The following DAB1 variants were observed in gnomAD, a reference collection of about 807,000 sequenced individuals.
DAB1 encodes the protein DAB adaptor protein 1, also known as disabled homolog 1.
Under a neutral mutation model 64.6 loss-of-function variants are expected in DAB1, and 15 were observed. That is an observed-to-expected ratio of 0.23 (90% CI 0.16 to 0.36). The LOEUF is 0.36. Ranked by LOEUF, DAB1 falls within the 10% of genes least tolerant of loss-of-function variation. DAB1 has a pLI of 1.00. For missense variants in DAB1, 596 were observed against 706.7 expected, an observed-to-expected ratio of 0.84 and a Z score of 1.78; for synonymous variants, 235 against 251.9, an observed-to-expected ratio of 0.93 and a Z score of 0.64.
intron 7 of DAB1, among the ~76,000 whole-genome samples, chr1:57,537,363 G>A (rs10889048): frequency 0.62 from 94,137 of 151,974 alleles, 32,607 homozygotes; most frequent in Non-Finnish European, 0.77. Flanking sequence ...CTATTTTTGC[G>A]ATGCTCTTCA....
intron 5 of DAB1, among the ~76,000 whole-genome samples, chr1:58,069,625 T>C (rs1398481139): frequency 6.6e-6 from 1 of 152,198 alleles, no homozygotes; most frequent in Non-Finnish European, 1.5e-5. Context: ...ACTGTCACTG[T>C]CTGTCCCTCA....
intron 1 of DAB1, among the ~76,000 whole-genome samples, chr1:57,298,649 A>C (rs17115557): frequency 6.6e-6 from 1 of 152,262 alleles, no homozygotes; most frequent in African/African-American, 2.4e-5. Flanking sequence ...TGAAAAAAAA[A>C]CAGAATTTTA....
chr1:57,350,382 C>T (rs1388339143), intron 1 of DAB1, among the ~76,000 whole-genome samples: 3 of 152,118 alleles, frequency 2.0e-5, no homozygotes, highest in Non-Finnish European at 2.9e-5. Context: ...ATATCATCTA[C>T]CAACAAGAAT....
intron 5 of DAB1, among the ~76,000 whole-genome samples, chr1:57,914,240 A>G (rs1487879510): frequency 1.3e-5 from 2 of 152,186 alleles, no homozygotes; most frequent in African/African-American, 4.8e-5. Flanking sequence ...TGTGGCACAT[A>G]TACACATGGA....
intron 7 of DAB1, among the ~76,000 whole-genome samples, chr1:57,470,619 A>AC (rs1687103698): frequency 6.6e-6 from 1 of 152,230 alleles, no homozygotes; most frequent in Non-Finnish European, 1.5e-5. Context: ...GTAGGAGGAT[A>AC]GAATTCCCTA....
chr1:57,630,094 C>T (rs1035127719), intron 7 of DAB1, among the ~76,000 whole-genome samples: 1 of 152,102 alleles, frequency 6.6e-6, no homozygotes. Context: ...TAGCAGCAAA[C>T]AAAGTCTGAG....
At chr1:57,521,170 C>G (rs1344182216) in intron 7 of DAB1, among the ~76,000 whole-genome samples, 1 of 152,146 alleles carries the variant, frequency 6.6e-6, no homozygotes, top group Non-Finnish European at 1.5e-5. Context: ...CTTCTCAGAT[C>G]TGTATCACCT....
intron 5 of DAB1, among the ~76,000 whole-genome samples, chr1:57,941,236 C>G (rs1266023902): frequency 6.6e-6 from 1 of 152,168 alleles, no homozygotes; most frequent in Non-Finnish European, 1.5e-5. Context: ...AATAATAATG[C>G]CAGACACTGG....
chr1:57,773,344 T>TACACACACAC (rs60059518), intron 6 of DAB1, among the ~76,000 whole-genome samples: 44 of 147,566 alleles, frequency 3.0e-4, no homozygotes, highest in Admixed American at 9.5e-4. Context: ...TTGAGTTGTA[T>TACACACACAC]ACACACACAC....
chr1:58,399,901 T>C (rs182243729), intron 3 of DAB1, among the ~76,000 whole-genome samples: 1 of 152,264 alleles, frequency 6.6e-6, no homozygotes, highest in African/African-American at 2.4e-5. Flanking sequence ...GACACTGATA[T>C]AGAATTAGGT....
chr1:57,882,778 A>C (rs1644164515), intron 1 of DAB1, among the ~76,000 whole-genome samples: 1 of 152,200 alleles, frequency 6.6e-6, no homozygotes, highest in Non-Finnish European at 1.5e-5. Context: ...GAGCACTATT[A>C]CCAACCTAGG....
At chr1:58,474,662 A>C (rs140647069) in intron 3 of DAB1, among the ~76,000 whole-genome samples, 24 of 152,304 alleles carry the variant, frequency 1.6e-4, no homozygotes, top group Non-Finnish European at 2.8e-4. Flanking sequence ...GAGATCATGG[A>C]AAGTTTCAGG....
intron 3 of DAB1, among the ~76,000 whole-genome samples, chr1:58,406,259 G>A (rs1340182472): frequency 3.9e-5 from 6 of 152,106 alleles, no homozygotes; most frequent in Non-Finnish European, 7.4e-5. Flanking sequence ...GCAACAGACC[G>A]TAGGAGACAC....
intron 6 of DAB1, among the ~76,000 whole-genome samples, chr1:57,718,738 C>G (rs1029395634): frequency 6.6e-6 from 1 of 152,000 alleles, no homozygotes; most frequent in Non-Finnish European, 1.5e-5. Context: ...ATCAATATCC[C>G]CAGTTGTAAT....
At chr1:57,358,030 A>T (rs116227488) in intron 1 of DAB1, among the ~76,000 whole-genome samples, 4,977 of 152,160 alleles carry the variant, frequency 0.033, 252 homozygotes, top group African/African-American at 0.11. Flanking sequence ...ATTGTTTATT[A>T]GCTCTAACAG....
At chr1:58,519,980 T>C (rs1364317772) in intron 2 of DAB1, among the ~76,000 whole-genome samples, 2 of 152,154 alleles carry the variant, frequency 1.3e-5, no homozygotes, top group Admixed American at 6.5e-5. Flanking sequence ...TTCTGATACA[T>C]GGACAGTCAG....
intron 7 of DAB1, among the ~76,000 whole-genome samples, chr1:57,555,431 C>G (rs1232564518): frequency 7.0e-6 from 1 of 143,272 alleles, no homozygotes; most frequent in Non-Finnish European, 1.5e-5. Flanking sequence ...AATAATAGAG[C>G]AGTGTAAGCA....
At chr1:57,265,986 A>T (rs1670561310) in intron 2 of DAB1, among the ~76,000 whole-genome samples, 1 of 152,116 alleles carries the variant, frequency 6.6e-6, no homozygotes, top group African/African-American at 2.4e-5. Context: ...AAATTCACTT[A>T]CCCATGGCTG....
chr1:57,200,343 T>C (rs911442783), intron 2 of DAB1, among the ~76,000 whole-genome samples: 3 of 152,224 alleles, frequency 2.0e-5, no homozygotes, highest in Admixed American at 1.3e-4. Flanking sequence ...AAAATCAACA[T>C]GGTCTCAATT....
Sources: gnomAD v4.1 joint callset for allele counts (sites outside exome capture counted in the v4.1 genomes callset) on GRCh38, gnomAD v4.1.1 for gene constraint, MANE v1.5 for transcripts, NCBI Gene and HGNC (gene_info 2026-07-23, HGNC 2026-07-21) for gene names.